TTN: variants seen among roughly 807,000 people sequenced by gnomAD.
TTN encodes titin.
Under a neutral mutation model 3,223.0 loss-of-function variants are expected in TTN, and 1,525 were observed. The observed-to-expected ratio is 0.47, with a 90% CI of 0.45 to 0.49. The LOEUF (loss-of-function observed/expected upper bound fraction) is 0.49. Among genes scored for constraint, TTN ranks in the 20% least tolerant of loss-of-function variants. TTN has a pLI of 0.00. For synonymous variants in TTN, 14,094 were observed against 15,161.0 expected (o/e 0.93, Z 5.17); for missense variants, 40,786 against 43,424.0 (o/e 0.94, Z 5.40).
In TTN at chr2:178,557,562, A is replaced by G. The variant is rs1380096448; in HGVS notation, c.87707-7T>C. The G allele has an allele frequency of 6.2e-7, 1 of 1,613,806 alleles. No individual in the cohort carries two copies. Among genetic ancestry groups the G allele is most frequent in the African/African-American group, 1.3e-5 (1 of 74,930 alleles). On this transcript the variant is annotated splice_polypyrimidine_tract_variant and splice_region_variant and intron_variant, in intron 328 of 362. Transcript: ENST00000589042. ...GATGGTGGTCCAGGTGTTGCTACAA[A>G]AGAGAGAAATCCTATAGATTAGTAC...
In TTN at chr2:178,611,009, G is replaced by C. The variant is rs1215488177; in HGVS notation, c.51120C>G (p.Ile17040Met). The change falls in exon 270 of 363, where the codon ATC (isoleucine) becomes ATG (methionine). Residue 17040 changes from isoleucine (I) to methionine (M), a missense_variant. Transcript: ENST00000589042. ...ENKLGSATAS[I>M]NVKVIGLPGP... ...AATGATTACCTATGACTTTGACATTGATTGAGGCTGTTGCTGAGCCGAGCT... is the reference window on the plus strand; with the variant it reads ...AATGATTACCTATGACTTTGACATTCATTGAGGCTGTTGCTGAGCCGAGCT... The C allele has an allele frequency of 6.2e-7, 1 of 1,612,250 alleles. No individual in the cohort carries two copies. Among genetic ancestry groups the C allele is most frequent in the East Asian group, 2.2e-5 (1 of 44,748 alleles).
chr2:178,768,298 T>TAA (rs2154341680), intron 38 of TTN, 143 bp from the exon 39 acceptor site: 5 of 1,156,026 alleles, frequency 4.3e-6, no homozygotes, highest in Non-Finnish European at 6.2e-6. Flanking sequence ...ACCATAATTT[T>TAA]AGAACATTCT....
intron 335 of TTN, 92 bp from the exon 336 acceptor site, chr2:178,551,352 T>A: frequency 9.9e-7 from 1 of 1,011,056 alleles, no homozygotes; most frequent in Non-Finnish European, 1.3e-6. Flanking sequence ...TCTATAATTT[T>A]AATAAATAAG....
chr2:178,560,599 T>A lies in TTN; in HGVS notation c.85533A>T (p.Lys28511Asn). The change falls in exon 326 of 363, where the codon AAA becomes AAT. Residue 28511 changes from lysine to asparagine, a missense_variant. Coordinates refer to ENST00000589042, the MANE Select transcript of TTN (RefSeq NM_001267550.2). ...CEGELQMTSC[K>N]VTKLLKGNEY... ...CATTGCCTTTGAGTAACTTGGTTAC[T>A]TTACAGGATGTCATCTGTAACTCTC... The A allele has an allele frequency of 6.2e-7, 1 of 1,613,514 alleles. No homozygotes were observed. The highest frequency in any genetic ancestry group is 8.5e-7 in the Non-Finnish European group (1 of 1,179,774).
chr2:178,572,515 T>G lies in TTN; in HGVS notation c.73617A>C (p.Thr24539=). The change falls in exon 326 of 363, where the codon ACA becomes ACC. Residue 24539 remains threonine, a synonymous_variant. Coordinates refer to ENST00000589042, the MANE Select transcript of TTN (RefSeq NM_001267550.2). ...KEVTKTSVTL[T]WDPPLLDGGS... ...CTCCATCAAGGAGAGGTGGGTCCCA[T>G]GTGAGTGTGACAGATGTCTTAGTGA... 3 of 1,613,448 alleles carry G rather than the reference T, an allele frequency of 1.9e-6. No individual in the cohort carries two copies. Among genetic ancestry groups the G allele is most frequent in the Non-Finnish European group, 2.5e-6 (3 of 1,179,606 alleles).
chr2:178,741,293 G>A lies in TTN; in HGVS notation c.11940C>T (p.Thr3980=), dbSNP rs1347685561. 4 of 1,613,758 alleles carry A rather than the reference G, an allele frequency of 2.5e-6. No individual in the cohort carries two copies. In the African/African-American group the frequency reaches 4.0e-5, roughly 16 times the overall value. The change falls in exon 48 of 363, where the codon ACC becomes ACT. Residue 3980 remains threonine, a synonymous_variant. Coordinates refer to ENST00000589042, the MANE Select transcript of TTN (RefSeq NM_001267550.2). ...TWFKENKQLC[T]SVYYTIIHNP... ...TATGAATGATAGTGTAATAAACACT[G>A]GTGCAAAGCTGCTTGTTTTCTTTGA...
chr2:178,797,930 G>A (rs935979987), intron 6 of TTN, among the ~76,000 whole-genome samples: 9 of 151,460 alleles, frequency 5.9e-5, no homozygotes, highest in Non-Finnish European at 8.8e-5. Flanking sequence ...TGTAAATAGT[G>A]AGAGGCAGAG....
rs374449452 is a variant in TTN, at chr2:178,678,486, G to A, written c.33838C>T (p.Pro11280Ser). 1.2e-4 allele frequency: 191 copies of A among 1,586,718 alleles called. No homozygotes were observed. In the Middle Eastern group the frequency reaches 2.0e-3, roughly 17 times the overall value. ...EAPPAKVPEV[P>S]KKPVPEKKVP... ...TTCTTCTCAGGCACAGGCTTCTTGGGTACCTCTGGCACTTTAACGAAATGA... is the reference window on the plus strand; with the variant it reads ...TTCTTCTCAGGCACAGGCTTCTTGGATACCTCTGGCACTTTAACGAAATGA... The change falls in exon 144 of 363, where the codon CCC becomes TCC. Residue 11280 changes from proline (P) to serine (S), a missense_variant. By Grantham distance (74) the Pro-to-Ser change is moderately conservative (BLOSUM62 -1). Coordinates refer to ENST00000589042, the MANE Select transcript of TTN (RefSeq NM_001267550.2).
In TTN at chr2:178,704,151, G is replaced by A. The variant is rs369709449; in HGVS notation, c.30219C>T (p.Ile10073=). The A allele has an allele frequency of 6.2e-6, 10 of 1,613,432 alleles. No individual in the cohort carries two copies. The highest frequency in any genetic ancestry group is 4.0e-5 in the African/African-American group (3 of 74,890). ...EDLETSAELR[I]EAEPIQFTKR... is the part of the protein sequence containing the mutation. ...ACTCCATAGTGTTTCACGCACCTTCGATTCTGAGTTCTGCTGAAGTTTCAA... is the reference window on the plus strand; with the variant it reads ...ACTCCATAGTGTTTCACGCACCTTCAATTCTGAGTTCTGCTGAAGTTTCAA... The change falls in exon 106 of 363, where the codon ATC becomes ATT. Residue 10073 remains isoleucine (I), a synonymous_variant. Coordinates refer to ENST00000589042, the MANE Select transcript of TTN (RefSeq NM_001267550.2).
Position 178,718,128 on chromosome 2 carries a change from ATTTCTGGAGTTCCAT to A in TTN, c.24863_24877del (p.Asp8288_Ile8293delinsVal), listed in dbSNP as rs1349578080. The A allele has an allele frequency of 6.2e-7, 1 of 1,610,670 alleles. No individual in the cohort carries two copies. The highest frequency in any genetic ancestry group is 1.3e-5 in the African/African-American group (1 of 74,990). ...GTGTTCTTTATACCAAGAAATTCTA[ATTTCTGGAGTTCCAT>A]CCACTTTACACTGTAAAGTTGCAGG... On this transcript the variant is annotated inframe_deletion, in exon 86 of 363. Transcript: ENST00000589042.
chr2:178,533,048 A>C lies in TTN; in HGVS notation c.103567T>G (p.Phe34523Val), dbSNP rs1390454690. 1 of 1,613,742 alleles carries C rather than the reference A, an allele frequency of 6.2e-7. No homozygotes were observed. Among genetic ancestry groups the C allele is most frequent in the Non-Finnish European group, 8.5e-7 (1 of 1,179,822 alleles). The change falls in exon 358 of 363, where the codon TTC becomes GTC. Residue 34523 changes from phenylalanine to valine, a missense_variant. Coordinates refer to ENST00000589042, the MANE Select transcript of TTN (RefSeq NM_001267550.2). Reference protein sequence around the residue: ...AVSTKTVKGEFRLEIEEKKEE... With the variant: ...AVSTKTVKGEVRLEIEEKKEE... ...TTCTTTTCTTCTATCTCAAGTCTGA[A>C]TTCCCCTTTTACAGTCTTGGTGCTT...
In TTN at chr2:178,804,621, A is replaced by T; in HGVS notation, c.22T>A (p.Phe8Ile). 6.2e-7 allele frequency: 1 copy of T among 1,613,944 alleles called. No homozygotes were observed. Among genetic ancestry groups the T allele is most frequent in the Non-Finnish European group, 8.5e-7 (1 of 1,179,916 alleles). Residue 8 changes from phenylalanine (F) to isoleucine (I), a missense_variant, in exon 2 of 363, where the codon TTT becomes ATT. By Grantham distance (21) the Phe-to-Ile change is conservative (BLOSUM62 0). Coordinates refer to ENST00000589042, the MANE Select transcript of TTN (RefSeq NM_001267550.2). ...ACAACGCTTTGTAACGGCTGCGTAA[A>T]CGTCGGTGCTTGAGTTGTCATCTTT... MTTQAPT[F>I]TQPLQSVVVL...
rs1574307227 is a variant in TTN at position 178,752,058 on chromosome 2, A to C, written c.11311+1066T>G. The C allele has an allele frequency of 8.0e-7, 1 of 1,255,776 alleles. No homozygotes were observed. Among genetic ancestry groups the C allele is most frequent in the African/African-American group, 1.5e-5 (1 of 64,884 alleles). 77.8% of individuals were successfully genotyped at this position (1,255,776 alleles called of 1,614,324 possible). A position where few individuals can be genotyped will look rare whatever the true frequency, so the allele number is the denominator to read the frequency against. ...AATAATTCTGGAAAAAAAAAAAAAA[A>C]CCTTTACTATTTTCCATAGAACTTG... On this transcript the variant is annotated intron_variant, in intron 47 of 362. Transcript: ENST00000589042.
rs727505199 is a variant in TTN, at chr2:178,544,381, C to T, written c.95848G>A (p.Glu31950Lys). 1.2e-6 allele frequency: 2 copies of T among 1,613,726 alleles called. No homozygotes were observed. The highest frequency in any genetic ancestry group is 1.3e-5 in the African/African-American group (1 of 75,020). The change falls in exon 345 of 363, where the codon GAG (glutamate) becomes AAG (lysine). Residue 31950 changes from glutamate (E) to lysine (K), a missense_variant. Physicochemically the swap from Glu to Lys is moderately conservative, Grantham distance 56 (BLOSUM62 1). Coordinates refer to ENST00000589042, the MANE Select transcript of TTN (RefSeq NM_001267550.2). ...DIVGYVLEMQ[E>K]KDTDQWYRVH... The stretch of plus-strand genomic sequence containing the variant: ...CGGTACCACTGATCAGTGTCCTTCT[C>T]TTGCATTTCCAGAACATATCCTACA...
intron 43 of TTN, among the ~76,000 whole-genome samples, chr2:178,760,341 C>T (rs1287407751): frequency 1.3e-5 from 2 of 152,078 alleles, no homozygotes; most frequent in Non-Finnish European, 2.9e-5. Context: ...AACAGCCTGA[C>T]GAACGTGGTG....
intron 42 of TTN, 53 bp downstream of exon 42, chr2:178,764,474 A>G (rs1263414453): frequency 1.2e-6 from 2 of 1,613,266 alleles, no homozygotes; most frequent in Admixed American, 1.7e-5. Context: ...GGAAAGGACA[A>G]AAGCCTGCTT....
rs958722944 is a variant in TTN, at chr2:178,628,505, CAT to C, written c.44424+794_44424+795del. 5.9e-5 allele frequency among the ~76,000 whole-genome samples: 9 copies of C among 152,132 alleles called. No homozygotes were observed. In the East Asian group the frequency reaches 1.6e-3, roughly 26 times the overall value. Reference sequence around the variant, plus strand: ...ATGGATTGTCAAGATAATTTAAAGACATATGTTGTTTCTGGGGACAAAACATA... The same window carrying C: ...ATGGATTGTCAAGATAATTTAAAGACATGTTGTTTCTGGGGACAAAACATA... On this transcript the variant is annotated intron_variant, in intron 240 of 362. Transcript: ENST00000589042.
In TTN at chr2:178,572,684, A is replaced by C. The variant is rs1226073003; in HGVS notation, c.73448T>G (p.Leu24483Arg). 6.2e-7 allele frequency: 1 copy of C among 1,613,196 alleles called. No individual in the cohort carries two copies. Among genetic ancestry groups the C allele is most frequent in the South Asian group, 1.1e-5 (1 of 91,024 alleles). Residue 24483 changes from leucine to arginine, a missense_variant, in exon 326 of 363, where the codon CTG becomes CGG. Coordinates refer to ENST00000589042, the MANE Select transcript of TTN (RefSeq NM_001267550.2). ...TCTGTTTACATTTCCAACAATAAGC[A>C]GGGTGTAAGAGCTTGTGGATTCGAT... Reference protein sequence around the residue: ...ASIESTSSYTLLIVGNVNRFD... With the variant: ...ASIESTSSYTRLIVGNVNRFD...
Position 178,728,211 on chromosome 2 carries a change from A to G in TTN, c.19613T>C (p.Leu6538Pro), listed in dbSNP as rs1376037086. Residue 6538 changes from leucine to proline, a missense_variant, in exon 67 of 363, where the codon CTG becomes CCG. Transcript: ENST00000589042. The part of the protein sequence containing the change: ...RLVCHERSVS[L>P]EVNNLELEDT... ...TTCTAATTCCAGATTATTAACTTCC[A>G]GAGACACAGATCTCTCATGGCACAC... 3 of 1,613,040 alleles carry G rather than the reference A, an allele frequency of 1.9e-6. No individual in the cohort carries two copies. Among genetic ancestry groups the G allele is most frequent in the East Asian group, 4.5e-5 (2 of 44,804 alleles).
Sources: allele counts gnomAD v4.1 joint callset (sites outside exome capture counted in the v4.1 genomes callset), GRCh38; gene constraint gnomAD v4.1.1; transcripts MANE v1.5; gene names NCBI Gene and HGNC (gene_info 2026-07-23, HGNC 2026-07-21).